Variants in ERBB2 observed in about 807,000 individuals in gnomAD.
The protein encoded by ERBB2 is receptor tyrosine-protein kinase erbB-2.
Under a neutral mutation model 149.0 loss-of-function variants are expected in ERBB2, and 61 were observed. The ratio of observed to expected loss-of-function variants is 0.41; its 90% confidence interval spans 0.33 to 0.51. ERBB2 has a LOEUF of 0.51. ERBB2 is among the 20% of genes least tolerant of loss of function. The probability of loss-of-function intolerance (pLI) is 0.25; values close to 1 mark genes in which losing one functional copy is unlikely to be tolerated. For missense variants in ERBB2, 1,205 were observed against 1,655.1 expected (o/e 0.73, Z 4.72); for synonymous variants, 633 against 678.8 (o/e 0.93, Z 1.05).
At chr17:39,697,922 G>T (rs1219731973), upstream of ERBB2, among the ~76,000 whole-genome samples, 1 of 151,316 alleles carries the variant, frequency 6.6e-6, no homozygotes, top group Non-Finnish European at 1.5e-5. Context: ...TCGAACTCCT[G>T]ACCTCGTGAT....
upstream of ERBB2, among the ~76,000 whole-genome samples, chr17:39,691,941 A>ATG (rs2057721138): frequency 7.1e-6 from 1 of 139,862 alleles, no homozygotes; most frequent in African/African-American, 3.0e-5. Context: ...ATACATATAT[A>ATG]TATATATATA....
chr17:39,708,284 G>C (rs756692634), intron 2 of ERBB2, 37 bp from the exon 3 acceptor site: 4 of 1,571,192 alleles, frequency 2.5e-6, no homozygotes, highest in Middle Eastern at 1.8e-4. Context: ...GGGTGGCAGT[G>C]TTCCTATTTC....
chr17:39,695,704 TACACACACACACACAC>T (rs56249643), upstream of ERBB2, among the ~76,000 whole-genome samples: 3,275 of 96,652 alleles, frequency 0.034, 74 homozygotes, highest in South Asian at 0.089. Flanking sequence ...GGTGCATGCA[TACACACACACACACAC>T]ACACACACAC....
At position 39,723,504 on chromosome 17, in the gene ERBB2, C is replaced by T; in HGVS notation, c.2086-34C>T. On this transcript the variant is annotated intron_variant, in intron 17 of 26. Transcript: ENST00000269571. This position sits in a 1 kb window ranked among gnomAD's most constrained non-coding sequence, Gnocchi z 6.2. Reference sequence around the variant, plus strand: ...CCAGCCCGCGTGGGGTCTGCACCGGCCCCCGGCACTGACCCACCACCCCCT... The same window carrying T: ...CCAGCCCGCGTGGGGTCTGCACCGGTCCCCGGCACTGACCCACCACCCCCT... 1 of 1,613,366 alleles carries T rather than the reference C, an allele frequency of 6.2e-7. No individual in the cohort carries two copies. The highest frequency in any genetic ancestry group is 8.5e-7 in the Non-Finnish European group (1 of 1,179,708).
At position 39,709,829 on chromosome 17, in the gene ERBB2, G is replaced by A. The variant is rs762217415; in HGVS notation, c.591G>A (p.Pro197=). The change falls in exon 5 of 27, where the codon CCG becomes CCA. Residue 197 remains proline (P), a synonymous_variant. Coordinates refer to ENST00000269571, the MANE Select transcript of ERBB2 (RefSeq NM_004448.4). ...NRSRACHPCS[P]MCKGSRCWGE... is the part of the protein sequence containing the mutation. ...TGTCCTCAGGCCACCCCTGTTCTCC[G>A]ATGTGTAAGGGCTCCCGCTGCTGGG... 19 of 1,613,300 alleles carry A rather than the reference G, an allele frequency of 1.2e-5. No homozygotes were observed. The highest frequency in any genetic ancestry group is 2.2e-5 in the South Asian group (2 of 91,082).
rs373337888 is a variant in ERBB2 at position 39,710,330 on chromosome 17, G to A, written c.760-10G>A. ...ACAGCACAGTGAAAGCCAGCCACCTGTCCCCCCAGGCCTGCCTCCACTTCA... is the reference window on the plus strand; with the variant it reads ...ACAGCACAGTGAAAGCCAGCCACCTATCCCCCCAGGCCTGCCTCCACTTCA... On this transcript the variant is annotated splice_polypyrimidine_tract_variant and intron_variant, in intron 6 of 26. Coordinates refer to ENST00000269571, the MANE Select transcript of ERBB2 (RefSeq NM_004448.4). 1.2e-6 allele frequency: 2 copies of A among 1,614,042 alleles called. No individual in the cohort carries two copies. Among genetic ancestry groups the A allele is most frequent in the Admixed American group, 3.3e-5 (2 of 60,016 alleles).
At chr17:39,695,701 GCATA>G (rs1377679479), upstream of ERBB2, among the ~76,000 whole-genome samples, 8 of 41,812 alleles carry the variant, frequency 1.9e-4, no homozygotes, top group African/African-American at 5.8e-4. Flanking sequence ...TTTGGTGCAT[GCATA>G]CACACACACA....
In ERBB2 at chr17:39,712,127, A is replaced by G. The variant is rs1346473627; in HGVS notation, c.1021+80A>G. 6 of 1,602,288 alleles carry G rather than the reference A, an allele frequency of 3.7e-6. No individual in the cohort carries two copies. In the African/African-American group the frequency reaches 5.4e-5, roughly 14 times the overall value. ...AGCCTGGCCCAGCCCACCCTGTCCTATCCTTCCTCAGACCCTCTTGGGACC... is the reference window on the plus strand; with the variant it reads ...AGCCTGGCCCAGCCCACCCTGTCCTGTCCTTCCTCAGACCCTCTTGGGACC... On this transcript the variant is annotated intron_variant, in intron 8 of 26. Transcript: ENST00000269571.
chr17:39,694,618 C>G (rs1373318002), upstream of ERBB2: 1 of 152,012 alleles, frequency 6.6e-6, no homozygotes, highest in African/African-American at 2.4e-5. Flanking sequence ...ATGAAACCAT[C>G]AGAAACGAAT....
chr17:39,712,397 G>C lies in ERBB2; in HGVS notation c.1097G>C (p.Gly366Ala), dbSNP rs1435728387. The C allele has an allele frequency of 3.7e-6, 6 of 1,613,946 alleles. No homozygotes were observed. The highest frequency in any genetic ancestry group is 5.1e-6 in the Non-Finnish European group (6 of 1,179,994). Residue 366 changes from glycine to alanine, a missense_variant, in exon 9 of 27, where the codon GGC becomes GCC. Transcript: ENST00000269571. The stretch of plus-strand genomic sequence containing the variant: ...AGTGCCAATATCCAGGAGTTTGCTG[G>C]CTGCAAGAAGATCTTTGGGAGCCTG... ...VTSANIQEFA[G>A]CKKIFGSLAF...
upstream of ERBB2, among the ~76,000 whole-genome samples, chr17:39,691,053 G>A (rs1366936769): frequency 6.7e-6 from 1 of 149,686 alleles, no homozygotes. Context: ...AAAAAAAAAA[G>A]TATAGTGTGC....
chr17:39,715,956 A>C lies in ERBB2; in HGVS notation c.1513+17A>C, dbSNP rs755966941. 1 of 1,603,258 alleles carries C rather than the reference A, an allele frequency of 6.2e-7. No homozygotes were observed. The highest frequency in any genetic ancestry group is 1.1e-5 in the South Asian group (1 of 90,876). ...ACGAGTGTGGTAAGACAGGGAGCCCAGTGTGCGCACTCCCCATCTGCCAGC... is the reference window on the plus strand; with the variant it reads ...ACGAGTGTGGTAAGACAGGGAGCCCCGTGTGCGCACTCCCCATCTGCCAGC... On this transcript the variant is annotated intron_variant, in intron 12 of 26. Transcript: ENST00000269571.
chr17:39,711,894 A>AG (rs1197459814), intron 7 of ERBB2, 34 bp from the exon 8 acceptor site: 1 of 1,613,300 alleles, frequency 6.2e-7, no homozygotes, highest in Non-Finnish European at 8.5e-7. Flanking sequence ...ACGAAGGGCC[A>AG]GGGTATGTGG....
At position 39,708,485 on chromosome 17, in the gene ERBB2, A is replaced by G. The variant is rs2145445018; in HGVS notation, c.390A>G (p.Thr130=). Residue 130 remains threonine, a synonymous_variant, in exon 3 of 27, where the codon ACA becomes ACG. Coordinates refer to ENST00000269571, the MANE Select transcript of ERBB2 (RefSeq NM_004448.4). ...GDPLNNTTPV[T]GASPGGLREL... Reference sequence around the variant, plus strand: ...CGCTGAACAATACCACCCCTGTCACAGGGGCCTCCCCAGGAGGCCTGCGGG... The same window carrying G: ...CGCTGAACAATACCACCCCTGTCACGGGGGCCTCCCCAGGAGGCCTGCGGG... 1.2e-6 allele frequency: 2 copies of G among 1,614,156 alleles called. No individual in the cohort carries two copies. The highest frequency in any genetic ancestry group is 1.7e-6 in the Non-Finnish European group (2 of 1,180,002).
exon 1 of ERBB2, chr17:39,694,988 G>A (rs1405260662): frequency 1.3e-5 from 2 of 152,362 alleles, no homozygotes; most frequent in Non-Finnish European, 2.9e-5. Flanking sequence ...TCTATTTCAG[G>A]TGGCAAAGCA....
intron 8 of ERBB2, 25 bp from the exon 9 acceptor site, chr17:39,712,297 T>C: frequency 6.2e-7 from 1 of 1,610,858 alleles, no homozygotes; most frequent in Non-Finnish European, 8.5e-7. Context: ...GACGGCCCCT[T>C]CCCCACCCAC....
At chr17:39,714,358 C>G (rs2058994156) in intron 9 of ERBB2, among the ~76,000 whole-genome samples, 1 of 152,120 alleles carries the variant, frequency 6.6e-6, no homozygotes, top group African/African-American at 2.4e-5. Flanking sequence ...CAGCTAAGAG[C>G]CCAGACTTGG....
chr17:39,703,762 G>A (rs912763842), intron 1 of ERBB2, among the ~76,000 whole-genome samples: 1 of 152,260 alleles, frequency 6.6e-6, no homozygotes, highest in Non-Finnish European at 1.5e-5. Flanking sequence ...CTGGTCTGAT[G>A]TCAGGCCTGA....
upstream of ERBB2, chr17:39,699,621 A>G: frequency 1.6e-6 from 2 of 1,231,288 alleles, no homozygotes; most frequent in Non-Finnish European, 1.2e-6. Flanking sequence ...TTGACTATCA[A>G]TTTTACTAGA....
Sources: allele counts gnomAD v4.1 joint callset (sites outside exome capture counted in the v4.1 genomes callset), GRCh38; gene constraint gnomAD v4.1.1; non-coding constraint Gnocchi (gnomAD v3.1); transcripts MANE v1.5; gene names NCBI Gene and HGNC (gene_info 2026-07-23, HGNC 2026-07-21).